The following NPHP3 variants were observed in gnomAD, a reference collection of about 807,000 sequenced individuals.
NPHP3 encodes nephrocystin-3.
A neutral mutation model predicts 171.9 loss-of-function variants in NPHP3; 123 were observed. That is an observed-to-expected ratio of 0.72 (90% CI 0.62 to 0.83). The LOEUF is 0.83. Among genes scored for constraint, NPHP3 ranks in the 40% least tolerant of loss-of-function variants. The pLI, the probability that NPHP3 is intolerant of heterozygous loss-of-function variation, is 0.00. For missense variants in NPHP3, 1,506 were observed against 1,591.9 expected (o/e 0.95, Z 0.92); for synonymous variants, 558 against 579.2 (o/e 0.96, Z 0.52).
Position 132,692,820 on chromosome 3 carries a change from T to A in NPHP3, c.2311-2A>T. The A allele has an allele frequency of 6.2e-7, 1 of 1,613,574 alleles. No individual in the cohort carries two copies. The highest frequency in any genetic ancestry group is 8.5e-7 in the Non-Finnish European group (1 of 1,179,546). On this transcript the variant is annotated splice_acceptor_variant, in intron 16 of 26. Transcript: ENST00000337331. LOFTEE classifies it high-confidence loss of function. ...ACTAACATTGACAAGGCAGAGGATC[T>A]AGGTAGAAAAACAAATTAACAGTAA... is the stretch of plus-strand genomic sequence containing the variant.
rs995205313 is a variant in NPHP3 at position 132,684,680 on chromosome 3, C to T, written c.3444G>A (p.Lys1148=). The T allele has an allele frequency of 1.2e-6, 2 of 1,613,940 alleles. No individual in the cohort carries two copies. Among genetic ancestry groups the T allele is most frequent in the East Asian group, 2.2e-5 (1 of 44,888 alleles). Residue 1148 remains lysine (K), a synonymous_variant, in exon 24 of 27, where the codon AAG becomes AAA. Coordinates refer to ENST00000337331, the MANE Select transcript of NPHP3 (RefSeq NM_153240.5). Reference sequence around the variant, plus strand: ...GTTCTTCTGCTTTATCATACTGTTTCTTTTCATTGCATAGAGCTGCCAGAT... The same window carrying T: ...GTTCTTCTGCTTTATCATACTGTTTTTTTTCATTGCATAGAGCTGCCAGAT... ...LNNLAALCNE[K]KQYDKAEELY... is the part of the protein sequence containing the mutation.
At chr3:132,721,464 T>C in intron 1 of NPHP3, 1 of 193,810 alleles carries the variant, frequency 5.2e-6, no homozygotes, top group South Asian at 7.1e-5. Context: ...CTTAAAATTT[T>C]TATGGTGGGG....
At chr3:132,708,042 C>A (rs568006202) in intron 7 of NPHP3, 59 bp downstream of exon 7, 1 of 1,556,760 alleles carries the variant, frequency 6.4e-7, no homozygotes, top group South Asian at 1.1e-5. Context: ...ACCTCATGGC[C>A]TTTGCTCCAG....
chr3:132,696,922 T>C (rs1357947577), intron 14 of NPHP3, 109 bp from the exon 15 acceptor site: 4 of 876,138 alleles, frequency 4.6e-6, no homozygotes, highest in Admixed American at 3.7e-5. Context: ...AATAACACTA[T>C]TGCTGCCATC....
At chr3:132,694,321 G>A (rs1214832731) in intron 16 of NPHP3, among the ~76,000 whole-genome samples, 2 of 151,158 alleles carry the variant, frequency 1.3e-5, no homozygotes, top group Admixed American at 6.6e-5. Flanking sequence ...CTTCACACAC[G>A]AAGAAAAAAC....
chr3:132,696,904 C>G, intron 14 of NPHP3, 91 bp from the exon 15 acceptor site: 1 of 985,640 alleles, frequency 1.0e-6, no homozygotes, highest in Non-Finnish European at 1.6e-6. Flanking sequence ...AACAAGTACC[C>G]CGACAGAAAT....
At chr3:132,707,919 G>A (rs1005846062) in intron 7 of NPHP3, among the ~76,000 whole-genome samples, 182 bp downstream of exon 7, 22 of 152,042 alleles carry the variant, frequency 1.4e-4, no homozygotes, top group Non-Finnish European at 1.5e-5. Context: ...CCTCAAAATG[G>A]CCTCCGAGGT....
chr3:132,681,782 C>A lies in NPHP3; in HGVS notation c.*128G>T. The stretch of plus-strand genomic sequence containing the variant: ...TAATGTAATCCAATACAACTTCATA[C>A]AAATAGCAGTTAAATCACACGTAGT... On this transcript the variant is annotated 3_prime_UTR_variant, in exon 27 of 27. Coordinates refer to ENST00000337331, the MANE Select transcript of NPHP3 (RefSeq NM_153240.5). 1 of 782,198 alleles carries A rather than the reference C, an allele frequency of 1.3e-6. No individual in the cohort carries two copies. Among genetic ancestry groups the A allele is most frequent in the Non-Finnish European group, 2.2e-6 (1 of 453,810 alleles). 48.5% of individuals were successfully genotyped at this position (782,198 alleles called of 1,614,324 possible).
intron 17 of NPHP3, 67 bp from the exon 18 acceptor site, chr3:132,691,353 T>G (rs1196522427): frequency 9.2e-6 from 10 of 1,088,140 alleles, no homozygotes; most frequent in Non-Finnish European, 1.3e-5. Flanking sequence ...AACAAGAGAT[T>G]TGCAAAAAAG....
intron 7 of NPHP3, among the ~76,000 whole-genome samples, chr3:132,707,130 T>A (rs1939775576): frequency 6.6e-6 from 1 of 152,216 alleles, no homozygotes; most frequent in South Asian, 2.1e-4. Flanking sequence ...TGTACAGTAA[T>A]AAAAAGCCTG....
At chr3:132,700,902 T>C (rs921463631) in intron 10 of NPHP3, among the ~76,000 whole-genome samples, 1 of 152,176 alleles carries the variant, frequency 6.6e-6, no homozygotes, top group African/African-American at 2.4e-5. Context: ...TGTTTTTAAA[T>C]AACATAATGA....
chr3:132,683,556 A>G lies in NPHP3; in HGVS notation c.3571-32T>C, dbSNP rs756249944. 2.8e-5 allele frequency: 44 copies of G among 1,572,228 alleles called. No homozygotes were observed. The African/African-American group carries it at 5.9e-4, about 21-fold the overall frequency. ...AACAAGAGTTAAATCTAACAAAAATATAAGGCAATAAATACTATCTTATCA... is the reference window on the plus strand; with the variant it reads ...AACAAGAGTTAAATCTAACAAAAATGTAAGGCAATAAATACTATCTTATCA... On this transcript the variant is annotated intron_variant, in intron 24 of 26. Transcript: ENST00000337331.
chr3:132,699,992 G>A lies in NPHP3; in HGVS notation c.1813C>T (p.Arg605Cys), dbSNP rs144731534. 3.3e-4 allele frequency: 538 copies of A among 1,614,034 alleles called. No homozygotes were observed. The highest frequency in any genetic ancestry group is 4.4e-4 in the Non-Finnish European group (517 of 1,179,950). ...CGAGCAGAGAGTTTTTCCAGCCAAC[G>A]TGGAAATTCTTCCAGAAGCTTAGCA... ...DPAKLLEEFP[R>C]WLEKLSARHQ... is the part of the protein sequence containing the mutation. The change falls in exon 12 of 27, where the codon CGT becomes TGT. Residue 605 changes from arginine to cysteine, a missense_variant. Around this residue, in one of 3 missense-constraint regions of NPHP3, gnomAD observed 930 missense variants for 924.9 expected, o/e 1.01. Coordinates refer to ENST00000337331, the MANE Select transcript of NPHP3 (RefSeq NM_153240.5).
Position 132,681,661 on chromosome 3 carries a change from GTCT to G in NPHP3, c.*246_*248del, listed in dbSNP as rs779618111. 2 of 465,074 alleles carry G rather than the reference GTCT, an allele frequency of 4.3e-6. No homozygotes were observed. The highest frequency in any genetic ancestry group is 2.2e-5 in the South Asian group (1 of 46,016). The allele number at this position is 465,074 out of a possible 1,614,324, so 28.8% of individuals were successfully genotyped here. ...CCGCTCTTCATGATTTGCTCCTCAT[GTCT>G]TCTTATAATTCTAATGTGTCTACAT... On this transcript the variant is annotated 3_prime_UTR_variant, in exon 27 of 27. Coordinates refer to ENST00000337331, the MANE Select transcript of NPHP3 (RefSeq NM_153240.5).
At position 132,696,771 on chromosome 3, in the gene NPHP3, T is replaced by C; in HGVS notation, c.2131A>G (p.Asn711Asp). 4.3e-6 allele frequency: 7 copies of C among 1,614,182 alleles called. No individual in the cohort carries two copies. The highest frequency in any genetic ancestry group is 5.9e-6 in the Non-Finnish European group (7 of 1,180,036). The change falls in exon 15 of 27, where the codon AAT (asparagine) becomes GAT (aspartate). Residue 711 changes from asparagine to aspartate, a missense_variant. Transcript: ENST00000337331. ...ERHCRSATTC[N>D]ALYVTLFGKM... ...CCGAAAAGGGTGACATAAAGGGCATTGCAGGTTGTAGCAGAACGACAGTGT... is the reference window on the plus strand; with the variant it reads ...CCGAAAAGGGTGACATAAAGGGCATCGCAGGTTGTAGCAGAACGACAGTGT...
Position 132,719,694 on chromosome 3 carries a change from A to T in NPHP3, c.519+11T>A. ...TATGTTGCTTTGGGGGTAAAAATGT[A>T]AGGAATTTACCTTGAATTGCCTTTT... On this transcript the variant is annotated intron_variant, in intron 2 of 26. Coordinates refer to ENST00000337331, the MANE Select transcript of NPHP3 (RefSeq NM_153240.5). 1.3e-6 allele frequency: 2 copies of T among 1,536,396 alleles called. No homozygotes were observed. Among genetic ancestry groups the T allele is most frequent in the Non-Finnish European group, 1.8e-6 (2 of 1,136,518 alleles).
Position 132,719,817 on chromosome 3 carries a change from G to GT in NPHP3, c.406dup (p.Thr136AsnfsTer27), listed in dbSNP as rs1379989124. The GT allele has an allele frequency of 1.9e-6, 3 of 1,588,232 alleles. No homozygotes were observed. The highest frequency in any genetic ancestry group is 2.6e-6 in the Non-Finnish European group (3 of 1,164,622). ...TTTTTCTCGAAGTATCTTCTGATAC[G>GT]TTTTTTGAAGTGCCTAGAATAATTT... On this transcript the variant is annotated frameshift_variant, in exon 2 of 27. Transcript: ENST00000337331. LOFTEE classifies it high-confidence loss of function.
intron 26 of NPHP3, 65 bp downstream of exon 26, chr3:132,682,638 C>T (rs1939060241): frequency 2.1e-6 from 2 of 959,264 alleles, no homozygotes; most frequent in African/African-American, 3.2e-5. Flanking sequence ...ATATTTTGTG[C>T]TATTCTAAGA....
At chr3:132,692,406 T>C (rs1234778722) in intron 17 of NPHP3, among the ~76,000 whole-genome samples, 1 of 152,254 alleles carries the variant, frequency 6.6e-6, no homozygotes, top group Non-Finnish European at 1.5e-5. Flanking sequence ...TTTTGATCTT[T>C]TGTGTCTGAC....
Sources: gnomAD v4.1 joint callset for allele counts (sites outside exome capture counted in the v4.1 genomes callset) on GRCh38, gnomAD v4.1.1 for gene constraint, gnomAD v4.1.1 regional missense constraint, MANE v1.5 for transcripts, NCBI Gene and HGNC (gene_info 2026-07-23, HGNC 2026-07-21) for gene names.